The following RANBP2 variants were observed in gnomAD, a reference collection of about 807,000 sequenced individuals.
RANBP2 encodes RAN binding protein 2.
A neutral mutation model predicts 303.6 loss-of-function variants in RANBP2; 57 were observed. The ratio of observed to expected loss-of-function variants is 0.19; its 90% CI spans 0.15 to 0.23. The LOEUF (loss-of-function observed/expected upper bound fraction) is 0.23, where lower values mean the gene tolerates loss of function less well. Ranked by LOEUF, RANBP2 falls within the 10% of genes least tolerant of loss-of-function variation. The pLI, the probability that RANBP2 is intolerant of heterozygous loss-of-function variation, is 1.00. For missense variants in RANBP2, 3,138 were observed against 3,780.8 expected, an observed-to-expected ratio of 0.83 and a Z score of 4.46; for synonymous variants, 1,167 against 1,301.5, an observed-to-expected ratio of 0.90 and a Z score of 2.23.
At chr2:109,604,903 G>A in the RANBP2 span, 1 of 152,242 alleles carries the variant, frequency 6.6e-6, no homozygotes, top group African/African-American at 2.4e-5. Context: ...GAGTCCAAGT[G>A]ACTCAAACTA....
At chr2:109,123,165 G>A in the RANBP2 span, among the ~76,000 whole-genome samples, 64 of 152,226 alleles carry the variant, frequency 4.2e-4, no homozygotes, top group Admixed American at 7.8e-4. Flanking sequence ...CAGAGTGCAG[G>A]TATCAGCCGT....
chr2:109,700,958 A>G, the RANBP2 span, among the ~76,000 whole-genome samples: 1 of 152,312 alleles, frequency 6.6e-6, no homozygotes, highest in East Asian at 1.9e-4. Flanking sequence ...GCGTTTGTGA[A>G]TGACACAAAC....
the RANBP2 span, among the ~76,000 whole-genome samples, chr2:109,061,006 C>A: frequency 6.6e-6 from 1 of 152,022 alleles, no homozygotes; most frequent in African/African-American, 2.4e-5. Flanking sequence ...TTCTAGTAAG[C>A]GCTTCAAACT....
At chr2:109,315,416 C>G in the RANBP2 span, among the ~76,000 whole-genome samples, 1 of 152,230 alleles carries the variant, frequency 6.6e-6, no homozygotes, top group Non-Finnish European at 1.5e-5. Flanking sequence ...GTCCCTATCT[C>G]TGTAGGATAG....
the RANBP2 span, among the ~76,000 whole-genome samples, chr2:109,715,988 T>G: frequency 6.6e-6 from 1 of 152,138 alleles, no homozygotes; most frequent in Non-Finnish European, 1.5e-5. Context: ...CTGAGACAGG[T>G]CTCAATTTAG....
the RANBP2 span, among the ~76,000 whole-genome samples, chr2:109,644,037 C>T: frequency 6.6e-6 from 1 of 151,800 alleles, no homozygotes; most frequent in Non-Finnish European, 1.5e-5. Context: ...AGGAGAGTCG[C>T]TTGAACCCAG....
the RANBP2 span, among the ~76,000 whole-genome samples, chr2:108,977,596 T>C: frequency 6.6e-6 from 1 of 152,176 alleles, no homozygotes; most frequent in Non-Finnish European, 1.5e-5. Context: ...TGAGTGTTCC[T>C]GAAGTGGAAG....
In RANBP2 at chr2:108,720,268, C is replaced by T. The variant is rs996879633; in HGVS notation, c.72+590C>T. On this transcript the variant is annotated intron_variant, in intron 1 of 28. Coordinates refer to ENST00000283195, the MANE Select transcript of RANBP2 (RefSeq NM_006267.5). ...GAGTATGAGGTGTTTGTCGCTGTCC[C>T]TTTGTAAGGGTCCAGCTCCACTCCG... The T allele has an allele frequency of 8.9e-6, 8 of 901,416 alleles. 1 individual carries two copies. Among genetic ancestry groups the T allele is most frequent in the Non-Finnish European group, 9.2e-6 (7 of 760,942 alleles). The allele number at this position is 901,416 out of a possible 1,614,324, so 55.8% of individuals were successfully genotyped here. A position where few individuals can be genotyped will look rare whatever the true frequency, so the allele number is the denominator to read the frequency against.
the RANBP2 span, among the ~76,000 whole-genome samples, chr2:109,270,656 C>T: frequency 4.6e-5 from 7 of 152,332 alleles, no homozygotes; most frequent in Admixed American, 3.3e-4. Context: ...AGAGGTATGA[C>T]ATAGGTGTCT....
At chr2:108,842,530 G>A in the RANBP2 span, among the ~76,000 whole-genome samples, 1 of 152,044 alleles carries the variant, frequency 6.6e-6, no homozygotes, top group Non-Finnish European at 1.5e-5. Flanking sequence ...TGTTTGTTGA[G>A]TTTAAAGCAA....
At chr2:109,570,239 C>T in the RANBP2 span, among the ~76,000 whole-genome samples, 1 of 152,018 alleles carries the variant, frequency 6.6e-6, no homozygotes, top group Non-Finnish European at 1.5e-5. Flanking sequence ...GAGTAGTGAC[C>T]ATCTTTAAAT....
the RANBP2 span, among the ~76,000 whole-genome samples, chr2:109,673,607 T>C: frequency 9.8e-5 from 15 of 152,338 alleles, no homozygotes; most frequent in African/African-American, 3.1e-4. Flanking sequence ...CTCATGCCTG[T>C]AGTCCCAGCA....
chr2:109,545,324 T>A, the RANBP2 span: 1 of 1,481,826 alleles, frequency 6.7e-7, no homozygotes, highest in Non-Finnish European at 8.9e-7. Flanking sequence ...CAGAAGGAAA[T>A]TATCAAAAAG....
At chr2:109,200,500 G>A in the RANBP2 span, among the ~76,000 whole-genome samples, 16 of 152,158 alleles carry the variant, frequency 1.1e-4, 1 homozygote, top group South Asian at 3.3e-3. Flanking sequence ...CTGCTCAGTC[G>A]GCGGGTCCAA....
the RANBP2 span, among the ~76,000 whole-genome samples, chr2:109,625,996 T>C: frequency 6.6e-6 from 1 of 152,186 alleles, no homozygotes; most frequent in South Asian, 2.1e-4. Context: ...AGCAAGATGT[T>C]TAAATGTGAT....
At chr2:109,272,790 GC>G in the RANBP2 span, among the ~76,000 whole-genome samples, 2 of 152,162 alleles carry the variant, frequency 1.3e-5, no homozygotes, top group Non-Finnish European at 2.9e-5. Context: ...CAGTTAAACA[GC>G]CCCCGGTACT....
At position 108,783,755 on chromosome 2, in the gene RANBP2, A is replaced by T; in HGVS notation, c.9529A>T (p.Lys3177Ter). Residue 3177 changes from lysine (K) to a stop codon, truncating the protein, a stop_gained, in exon 29 of 29, where the codon AAG becomes TAG. Coordinates refer to ENST00000283195, the MANE Select transcript of RANBP2 (RefSeq NM_006267.5). LOFTEE classifies it high-confidence loss of function. ...TAATTCTCAATTTGTTATAACACTG[A>T]AGAAAGCAGAACATTTGGACTTTAA... ...TNNSQFVITL[K>*]KAEHLDFKHV... is the part of the protein sequence containing the mutation. The T allele has an allele frequency of 6.2e-7, 1 of 1,613,314 alleles. No individual in the cohort carries two copies. Among genetic ancestry groups the T allele is most frequent in the Non-Finnish European group, 8.5e-7 (1 of 1,179,302 alleles).
At chr2:109,146,529 C>T in the RANBP2 span, among the ~76,000 whole-genome samples, 1 of 152,094 alleles carries the variant, frequency 6.6e-6, no homozygotes, top group East Asian at 1.9e-4. Flanking sequence ...CTAGCACTTT[C>T]TTGTTTCTGT....
At chr2:109,339,230 G>A in the RANBP2 span, among the ~76,000 whole-genome samples, 10 of 145,522 alleles carry the variant, frequency 6.9e-5, no homozygotes, top group Admixed American at 6.8e-4. Context: ...CCACGTATAA[G>A]TAGACCCTTG....
Sources: allele counts gnomAD v4.1 joint callset (sites outside exome capture counted in the v4.1 genomes callset), GRCh38; gene constraint gnomAD v4.1.1; transcripts MANE v1.5; gene names NCBI Gene and HGNC (gene_info 2026-07-23, HGNC 2026-07-21).